Variants in CADM2 observed in about 807,000 individuals in gnomAD.
CADM2 encodes cell adhesion molecule 2.
A neutral mutation model predicts 49.8 loss-of-function variants in CADM2; 12 were observed. That is an observed-to-expected ratio of 0.24 (90% CI 0.15 to 0.39). The LOEUF is 0.39. CADM2 is among the 10% of genes least tolerant of loss of function. CADM2 has a pLI of 1.00. For missense variants in CADM2, 378 were observed against 492.3 expected (o/e 0.77, Z 2.20); for synonymous variants, 214 against 175.4 (o/e 1.22, Z -1.74).
chr3:85,644,235 T>A (rs963036593), intron 1 of CADM2, among the ~76,000 whole-genome samples: 1 of 152,160 alleles, frequency 6.6e-6, no homozygotes, highest in African/African-American at 2.4e-5. Context: ...TTCCTGTGTG[T>A]GTGCAAAGAA....
chr3:85,807,499 CA>C lies in CADM2; in HGVS notation c.238+5322del, dbSNP rs60644652. ...AGGCATCGAGAGTGAAACTCCGTCT[CA>C]AAAAAAAAAAAAAAAAAAGACAAAA... On this transcript the variant is annotated intron_variant, in intron 3 of 9. Coordinates refer to ENST00000383699, the MANE Select transcript of CADM2 (RefSeq NM_001167675.2). Among the ~76,000 whole-genome samples, 437 of 82,222 alleles carry C rather than the reference CA, an allele frequency of 5.3e-3. 1 individual carries two copies. Among genetic ancestry groups the C allele is most frequent in the Middle Eastern group, 0.027 (4 of 146 alleles). 53.9% of individuals were successfully genotyped at this position (82,222 alleles called of 152,430 possible).
chr3:85,532,673 G>T (rs1576738190), intron 1 of CADM2, among the ~76,000 whole-genome samples: 1 of 152,036 alleles, frequency 6.6e-6, no homozygotes, highest in South Asian at 2.1e-4. Context: ...GTACCCAAAG[G>T]ACTATAAATC....
chr3:85,818,007 A>G (rs927088374), intron 3 of CADM2, among the ~76,000 whole-genome samples: 9 of 152,100 alleles, frequency 5.9e-5, no homozygotes, highest in African/African-American at 2.2e-4. Flanking sequence ...TTAAGGTCTT[A>G]AGCAGTTTCT....
intron 1 of CADM2, among the ~76,000 whole-genome samples, chr3:85,297,218 A>G (rs1310441037): frequency 6.6e-6 from 1 of 152,100 alleles, no homozygotes; most frequent in Non-Finnish European, 1.5e-5. Flanking sequence ...GATCATGGGA[A>G]AGAGGATTTA....
rs2066934200 is a variant in CADM2, at chr3:85,705,941, A to C, written c.62-20581A>C. 2.0e-5 allele frequency among the ~76,000 whole-genome samples: 3 copies of C among 152,302 alleles called. No homozygotes were observed. In the South Asian group the frequency reaches 6.2e-4, roughly 32 times the overall value. ...ATATAACTTGCTCATTGTGGCATCAAACCTAGAAAATGTGTCTGTGAAATA... is the reference window on the plus strand; with the variant it reads ...ATATAACTTGCTCATTGTGGCATCACACCTAGAAAATGTGTCTGTGAAATA... On this transcript the variant is annotated intron_variant, in intron 1 of 9. Transcript: ENST00000383699.
intron 1 of CADM2, among the ~76,000 whole-genome samples, chr3:85,404,774 A>C (rs1186443295): frequency 6.6e-6 from 1 of 152,162 alleles, no homozygotes; most frequent in Non-Finnish European, 1.5e-5. Context: ...TATAAATGTA[A>C]AAAATTTCCT....
At chr3:85,199,748 A>G (rs967030414) in intron 1 of CADM2, among the ~76,000 whole-genome samples, 1 of 152,050 alleles carries the variant, frequency 6.6e-6, no homozygotes, top group South Asian at 2.1e-4. Flanking sequence ...CAAGTCTATA[A>G]TAATTAAGTG....
intron 1 of CADM2, among the ~76,000 whole-genome samples, chr3:85,344,154 T>TCG (rs1226591826): frequency 6.6e-6 from 1 of 151,676 alleles, no homozygotes; most frequent in African/African-American, 2.4e-5. Flanking sequence ...GGCGGGCAGA[T>TCG]CACGAAGTCA....
intron 1 of CADM2, among the ~76,000 whole-genome samples, chr3:85,158,421 G>A (rs920566930): frequency 3.9e-5 from 6 of 152,156 alleles, no homozygotes; most frequent in African/African-American, 1.4e-4. Flanking sequence ...ATTCACAATA[G>A]CAAAGACTTG....
chr3:85,435,723 A>G (rs2036896711), intron 1 of CADM2, among the ~76,000 whole-genome samples: 1 of 152,052 alleles, frequency 6.6e-6, no homozygotes, highest in Admixed American at 6.6e-5. Context: ...CTGGCATGAG[A>G]TGGTATCTCA....
At chr3:85,936,293 T>G (rs982094809) in intron 7 of CADM2, among the ~76,000 whole-genome samples, 1 of 151,866 alleles carries the variant, frequency 6.6e-6, no homozygotes, top group Non-Finnish European at 1.5e-5. Context: ...ATATTTCTTA[T>G]GAAACACCCA....
chr3:85,074,119 T>C (rs1445228370), intron 1 of CADM2, among the ~76,000 whole-genome samples: 1 of 152,088 alleles, frequency 6.6e-6, no homozygotes, highest in Non-Finnish European at 1.5e-5. Context: ...AGAGCTCCCG[T>C]TACCACTTTC....
chr3:85,812,467 G>A (rs560861139), intron 3 of CADM2, among the ~76,000 whole-genome samples: 1 of 152,134 alleles, frequency 6.6e-6, no homozygotes, highest in South Asian at 2.1e-4. Context: ...GTGTCTCCAT[G>A]TTGAATAGAC....
At chr3:85,586,131 A>G (rs2062939932) in intron 1 of CADM2, among the ~76,000 whole-genome samples, 1 of 152,062 alleles carries the variant, frequency 6.6e-6, no homozygotes, top group East Asian at 1.9e-4. Context: ...TTTTTTACCT[A>G]TCATCCACTG....
chr3:85,317,309 G>A (rs4494942), intron 1 of CADM2, among the ~76,000 whole-genome samples: 5 of 152,074 alleles, frequency 3.3e-5, no homozygotes, highest in Non-Finnish European at 7.4e-5. Flanking sequence ...GAACTCCCTA[G>A]GGACCTGACA....
At chr3:85,161,528 C>T (rs1479094138) in intron 1 of CADM2, among the ~76,000 whole-genome samples, 2 of 151,836 alleles carry the variant, frequency 1.3e-5, no homozygotes, top group Non-Finnish European at 2.9e-5. Flanking sequence ...CCTACTAAAA[C>T]CTAGGTGAAT....
chr3:85,835,010 G>A (rs914101061), intron 3 of CADM2, among the ~76,000 whole-genome samples: 7 of 151,772 alleles, frequency 4.6e-5, no homozygotes, highest in African/African-American at 1.4e-4. Flanking sequence ...ACGCATGTGT[G>A]TGTGAATGTT....
At chr3:85,012,425 T>C (rs1051751226) in intron 1 of CADM2, among the ~76,000 whole-genome samples, 10 of 150,394 alleles carry the variant, frequency 6.6e-5, no homozygotes, top group African/African-American at 2.4e-4. Context: ...CATATTTTTT[T>C]CAGCCCCTTA....
chr3:85,716,322 A>G (rs548563492), intron 1 of CADM2, among the ~76,000 whole-genome samples: 1 of 152,322 alleles, frequency 6.6e-6, no homozygotes, highest in African/African-American at 2.4e-5. Flanking sequence ...ATGTCTGTTC[A>G]TAACCTTTGC....
Sources: allele counts gnomAD v4.1 joint callset (sites outside exome capture counted in the v4.1 genomes callset), GRCh38; gene constraint gnomAD v4.1.1; transcripts MANE v1.5; gene names NCBI Gene and HGNC (gene_info 2026-07-23, HGNC 2026-07-21).